Variants in MTUS2 observed in about 807,000 individuals in gnomAD.
MTUS2 encodes the protein microtubule-associated tumor suppressor candidate 2.
A neutral mutation model predicts 114.1 loss-of-function variants in MTUS2; 40 were observed. The ratio of observed to expected loss-of-function variants is 0.35; its 90% CI spans 0.27 to 0.46. The LOEUF (loss-of-function observed/expected upper bound fraction) is 0.46, where lower values mean the gene tolerates loss of function less well. Among genes scored for constraint, MTUS2 ranks in the 20% least tolerant of loss-of-function variants. The pLI, the probability that MTUS2 is intolerant of heterozygous loss-of-function variation, is 1.00. For synonymous variants in MTUS2, 688 were observed against 672.0 expected (o/e 1.02, Z -0.37); for missense variants, 1,679 against 1,705.4 (o/e 0.98, Z 0.27).
chr13:29,151,152 A>C (rs1001437640), intron 5 of MTUS2, among the ~76,000 whole-genome samples: 1 of 152,126 alleles, frequency 6.6e-6, no homozygotes, highest in African/African-American at 2.4e-5. Context: ...ATTTAATGAT[A>C]TTATTTCTTC....
intron 2 of MTUS2, among the ~76,000 whole-genome samples, chr13:28,894,610 G>A (rs1438739312): frequency 6.6e-6 from 1 of 152,210 alleles, no homozygotes; most frequent in African/African-American, 2.4e-5. Context: ...GCAAAACTTA[G>A]GACAACTGAG....
intron 2 of MTUS2, among the ~76,000 whole-genome samples, chr13:28,861,613 A>G (rs947473422): frequency 6.6e-6 from 1 of 152,098 alleles, no homozygotes; most frequent in Non-Finnish European, 1.5e-5. Context: ...ATCTTTGGGA[A>G]TATTTGTCAC....
chr13:29,500,792 A>AACACACAC (rs3066073), intron 14 of MTUS2, among the ~76,000 whole-genome samples: 164 of 144,378 alleles, frequency 1.1e-3, no homozygotes, highest in Non-Finnish European at 1.5e-3. Flanking sequence ...TTACATCAGA[A>AACACACAC]ACACACACAC....
At chr13:29,307,077 C>A in intron 6 of MTUS2, 1 of 482,454 alleles carries the variant, frequency 2.1e-6, no homozygotes, top group South Asian at 1.7e-5. Context: ...AGTCCACCAG[C>A]ATCTTCACCA....
In MTUS2 at chr13:28,975,507, C is replaced by T. The variant is rs925976065; in HGVS notation, c.-242-48950C>T. ...TCCCCTGCGGCAGCATCGCCCTCCC[C>T]TGCAGCCCCCTGCCTTCAGCACTGT... On this transcript the variant is annotated intron_variant, in intron 2 of 15. Coordinates refer to ENST00000612955, the MANE Select transcript of MTUS2 (RefSeq NM_001033602.4). Among the ~76,000 whole-genome samples, 23 of 133,578 alleles carry T rather than the reference C, an allele frequency of 1.7e-4. No homozygotes were observed. The Admixed American group carries it at 1.7e-3, about 10-fold the overall frequency. The allele number at this position is 133,578 out of a possible 152,430, so 87.6% of individuals were successfully genotyped here. A position where few individuals can be genotyped will look rare whatever the true frequency, so the allele number is the denominator to read the frequency against.
In MTUS2 at chr13:29,100,930, C is replaced by T. The variant is rs368629911; in HGVS notation, c.2604C>T (p.Ser868=). 28 of 1,571,980 alleles carry T rather than the reference C, an allele frequency of 1.8e-5. No homozygotes were observed. The African/African-American group carries it at 2.2e-4, about 12-fold the overall frequency. ...TCTCCTCAGTCTCCAGCACCCAGTCCGGGGACAGTGCACAGCCAGAGCAGG... is the reference window on the plus strand; with the variant it reads ...TCTCCTCAGTCTCCAGCACCCAGTCTGGGGACAGTGCACAGCCAGAGCAGG... ...SSVSSVSSTQ[S]GDSAQPEQGR... Residue 868 remains serine, a synonymous_variant, in exon 5 of 16, where the codon TCC becomes TCT. Coordinates refer to ENST00000612955, the MANE Select transcript of MTUS2 (RefSeq NM_001033602.4).
intron 8 of MTUS2, among the ~76,000 whole-genome samples, chr13:29,384,157 T>C (rs1872470869): frequency 6.6e-6 from 1 of 152,196 alleles, no homozygotes; most frequent in Non-Finnish European, 1.5e-5. Context: ...TGGAGAAAGG[T>C]AGACAATAAG....
chr13:29,465,225 G>A (rs746178028), intron 9 of MTUS2, among the ~76,000 whole-genome samples: 4 of 152,184 alleles, frequency 2.6e-5, no homozygotes, highest in Non-Finnish European at 5.9e-5. Context: ...GCCAGGCATG[G>A]TGCTGAGCAC....
chr13:29,358,930 C>T (rs1297349726), intron 7 of MTUS2, among the ~76,000 whole-genome samples: 1 of 131,502 alleles, frequency 7.6e-6, no homozygotes, highest in Non-Finnish European at 1.6e-5. Context: ...TCCCATTAGA[C>T]ATTGTCAAAG....
intron 7 of MTUS2, among the ~76,000 whole-genome samples, chr13:29,355,009 AGGTCATG>A (rs1869620477): frequency 6.6e-6 from 1 of 152,196 alleles, no homozygotes; most frequent in African/African-American, 2.4e-5. Context: ...TATGGTGTGA[AGGTCATG>A]GGCCATCTCT....
intron 4 of MTUS2, among the ~76,000 whole-genome samples, chr13:29,055,812 G>A (rs1443834493): frequency 1.3e-5 from 2 of 151,316 alleles, no homozygotes; most frequent in East Asian, 2.0e-4. Flanking sequence ...GATTAGTAAT[G>A]TTGGGCATTT....
At chr13:29,043,786 T>TATAAG (rs5802503) in intron 4 of MTUS2, among the ~76,000 whole-genome samples, 1 of 151,686 alleles carries the variant, frequency 6.6e-6, no homozygotes, top group African/African-American at 2.4e-5. Flanking sequence ...TAAAGTCTGA[T>TATAAG]AGACTTTATA....
intron 5 of MTUS2, among the ~76,000 whole-genome samples, chr13:29,214,525 C>A (rs1342633848): frequency 6.6e-6 from 1 of 152,174 alleles, no homozygotes; most frequent in Admixed American, 6.5e-5. Context: ...GTTAGTGCTT[C>A]CTTCAGGAGC....
intron 2 of MTUS2, among the ~76,000 whole-genome samples, chr13:29,003,817 G>A (rs765234100): frequency 6.6e-6 from 1 of 152,254 alleles, no homozygotes; most frequent in African/African-American, 2.4e-5. Flanking sequence ...GTGCTCCTGC[G>A]GCCCTGGCAC....
intron 5 of MTUS2, among the ~76,000 whole-genome samples, chr13:29,233,242 A>AG (rs1566081576): frequency 6.6e-6 from 1 of 151,476 alleles, no homozygotes; most frequent in Non-Finnish European, 1.5e-5. Flanking sequence ...AGAAAAAAAA[A>AG]AAAGTTTGGG....
At chr13:28,838,291 T>C (rs1447756975) in intron 1 of MTUS2, among the ~76,000 whole-genome samples, 3 of 152,224 alleles carry the variant, frequency 2.0e-5, no homozygotes, top group African/African-American at 7.2e-5. Flanking sequence ...ATTTTCTATA[T>C]CTGGGGTACC....
At chr13:29,124,889 T>C (rs1891453201) in intron 5 of MTUS2, among the ~76,000 whole-genome samples, 1 of 152,140 alleles carries the variant, frequency 6.6e-6, no homozygotes, top group Non-Finnish European at 1.5e-5. Flanking sequence ...AGTACTCAGA[T>C]TCATAGAGAC....
intron 9 of MTUS2, among the ~76,000 whole-genome samples, chr13:29,479,751 T>C (rs1172031156): frequency 6.6e-6 from 1 of 152,224 alleles, no homozygotes; most frequent in Non-Finnish European, 1.5e-5. Flanking sequence ...TCCTGCCTCA[T>C]GGGCTCTGAT....
intron 2 of MTUS2, among the ~76,000 whole-genome samples, chr13:29,000,523 C>T (rs5004133): frequency 0.018 from 2,676 of 152,090 alleles, 79 homozygotes; most frequent in African/African-American, 0.06. Context: ...CCACCACACC[C>T]GGGTAATTTT....
Sources: allele counts gnomAD v4.1 joint callset (sites outside exome capture counted in the v4.1 genomes callset), GRCh38; gene constraint gnomAD v4.1.1; transcripts MANE v1.5; gene names NCBI Gene and HGNC (gene_info 2026-07-23, HGNC 2026-07-21).